Variants in FLNB observed in about 807,000 individuals in gnomAD.
FLNB encodes filamin-B.
In FLNB, 111 loss-of-function variants were observed where a neutral mutation model predicts 250.6. The observed-to-expected ratio is 0.44, with a 90% confidence interval of 0.38 to 0.52. The LOEUF is 0.52. Ranked by LOEUF, FLNB falls within the 20% of genes least tolerant of loss-of-function variation. The probability of loss-of-function intolerance (pLI) is 0.00; values close to 1 mark genes in which losing one functional copy is unlikely to be tolerated. For missense variants in FLNB, 2,869 were observed against 3,447.8 expected, an observed-to-expected ratio of 0.83 and a Z score of 4.20; for synonymous variants, 1,302 against 1,372.1, an observed-to-expected ratio of 0.95 and a Z score of 1.13.
At chr3:58,130,632 G>A (rs1201258264) in intron 24 of FLNB, 109 bp from the exon 25 acceptor site, 5 of 1,102,272 alleles carry the variant, frequency 4.5e-6, no homozygotes, top group Non-Finnish European at 6.7e-6. Flanking sequence ...GGAGCTGACC[G>A]AGGCCTGCAT....
chr3:58,109,537 TG>T (rs2097264991), intron 14 of FLNB, 38 bp from the exon 15 acceptor site: 2 of 1,614,058 alleles, frequency 1.2e-6, no homozygotes, highest in South Asian at 2.2e-5. Flanking sequence ...TGGGTCCAAG[TG>T]GAGGAGAACT....
Position 58,123,131 on chromosome 3 carries a change from G to T in FLNB, c.3165G>T (p.Val1055=). ...AHGPGLEGGL[V]GKPAEFTIDT... is the part of the protein sequence containing the mutation. ...GTCCCGGCCTCGAAGGTGGTCTCGT[G>T]GGCAAGCCTGCCGAGTTCACCATCG... Residue 1055 remains valine, a synonymous_variant, in exon 21 of 46, where the codon GTG becomes GTT. Coordinates refer to ENST00000295956, the MANE Select transcript of FLNB (RefSeq NM_001457.4). 1 of 1,614,174 alleles carries T rather than the reference G, an allele frequency of 6.2e-7. No homozygotes were observed. The highest frequency in any genetic ancestry group is 8.5e-7 in the Non-Finnish European group (1 of 1,180,024).
intron 18 of FLNB, among the ~76,000 whole-genome samples, chr3:58,118,169 G>A (rs555699249): frequency 2.0e-5 from 3 of 152,330 alleles, no homozygotes; most frequent in East Asian, 1.9e-4. Flanking sequence ...CCGGCCACCC[G>A]TGAGGGTGCC....
rs1187907959 is a variant in FLNB, at chr3:58,137,945, C to G, written c.4862-337C>G. On this transcript the variant is annotated intron_variant, in intron 28 of 45. Transcript: ENST00000295956. ...AACATCTTGAGAGCAGGGACTGTGTCTTGCCCACCTTTATGTGTACCTGGC... is the reference window on the plus strand; with the variant it reads ...AACATCTTGAGAGCAGGGACTGTGTGTTGCCCACCTTTATGTGTACCTGGC... Among the ~76,000 whole-genome samples the G allele has an allele frequency of 5.9e-5, 9 of 152,328 alleles. No individual in the cohort carries two copies. The South Asian group carries it at 1.7e-3, about 28-fold the overall frequency.
At chr3:58,148,509 C>T (rs767801696) in intron 35 of FLNB, 140 bp from the exon 36 acceptor site, 19 of 1,204,688 alleles carry the variant, frequency 1.6e-5, no homozygotes, top group East Asian at 2.5e-5. Flanking sequence ...AATGCCCAAG[C>T]GTATTTGTGC....
At position 58,098,849 on chromosome 3, in the gene FLNB, A is replaced by G. The variant is rs149133353; in HGVS notation, c.1286A>G (p.Lys429Arg). The change falls in exon 8 of 46, where the codon AAG becomes AGG. Residue 429 changes from lysine to arginine, a missense_variant. Physicochemically the swap from Lys to Arg is conservative, Grantham distance 26. Coordinates refer to ENST00000295956, the MANE Select transcript of FLNB (RefSeq NM_001457.4). ...ATGCAGCCTGGCCCTCACGTGGTCA[A>G]GATCTTCTTTGCTGGGGACACTATT... ...KPMQPGPHVV[K>R]IFFAGDTIPK... 29 of 1,614,146 alleles carry G rather than the reference A, an allele frequency of 1.8e-5. No homozygotes were observed. In the East Asian group the frequency reaches 6.5e-4, roughly 36 times the overall value.
chr3:58,136,070 A>G lies in FLNB; in HGVS notation c.4763A>G (p.Tyr1588Cys), dbSNP rs2097315308. 2 of 1,614,250 alleles carry G rather than the reference A, an allele frequency of 1.2e-6. No homozygotes were observed. Among genetic ancestry groups the G allele is most frequent in the South Asian group, 2.2e-5 (2 of 91,090 alleles). Reference sequence around the variant, plus strand: ...TACATCCCCGACAAGACTGGGCGCTATATGATTGGAGTCACCTACGGGGGT... The same window carrying G: ...TACATCCCCGACAAGACTGGGCGCTGTATGATTGGAGTCACCTACGGGGGT... ...VTYIPDKTGRYMIGVTYGGDD... is the reference protein window; with the variant it reads ...VTYIPDKTGRCMIGVTYGGDD... The change falls in exon 28 of 46, where the codon TAT becomes TGT. Residue 1588 changes from tyrosine to cysteine, a missense_variant. By Grantham distance (194) the Tyr-to-Cys change is radical (BLOSUM62 -2). Transcript: ENST00000295956.
intron 1 of FLNB, among the ~76,000 whole-genome samples, chr3:58,069,161 G>A (rs1373709250): frequency 4.0e-5 from 6 of 150,028 alleles, no homozygotes; most frequent in Non-Finnish European, 8.9e-5. Flanking sequence ...AAAAGGAGGG[G>A]CCAGACCCCT....
At chr3:58,117,701 G>A (rs149779836) in intron 18 of FLNB, among the ~76,000 whole-genome samples, 1 of 150,998 alleles carries the variant, frequency 6.6e-6, no homozygotes, top group Non-Finnish European at 1.5e-5. Context: ...ACCAGGAAAT[G>A]TTGTTCACAT....
intron 24 of FLNB, among the ~76,000 whole-genome samples, chr3:58,130,239 G>A (rs1205671627): frequency 1.3e-5 from 2 of 152,164 alleles, no homozygotes; most frequent in Admixed American, 1.3e-4. Flanking sequence ...CCACCACTTG[G>A]CTTCCTCCTT....
intron 25 of FLNB, chr3:58,132,543 GTCTCCTTAATTATAC>G (rs768107688): frequency 4.0e-4 from 214 of 538,476 alleles, no homozygotes; most frequent in Non-Finnish European, 6.1e-4. Context: ...AGCACAGGCA[GTCTCCTTAATTATAC>G]TCTAGGGCAG....
chr3:58,130,507 G>A (rs1039853008), intron 24 of FLNB, among the ~76,000 whole-genome samples: 3 of 152,172 alleles, frequency 2.0e-5, no homozygotes, highest in Admixed American at 1.3e-4. Context: ...TTCCTGGGGG[G>A]TGTTAACCGC....
At chr3:58,105,333 C>G in intron 11 of FLNB, 117 bp downstream of exon 11, 1 of 1,297,716 alleles carries the variant, frequency 7.7e-7, no homozygotes, top group Non-Finnish European at 1.1e-6. Context: ...GCTTCCTGGC[C>G]TCCTGGCCAC....
chr3:58,087,298 T>G (rs529739420), intron 4 of FLNB, among the ~76,000 whole-genome samples: 2 of 152,284 alleles, frequency 1.3e-5, no homozygotes, highest in East Asian at 3.9e-4. Context: ...ACATAGTGAT[T>G]GTGGATAAAA....
chr3:58,014,556 A>G (rs1576584691), intron 1 of FLNB, among the ~76,000 whole-genome samples: 1 of 152,120 alleles, frequency 6.6e-6, no homozygotes, highest in Non-Finnish European at 1.5e-5. Context: ...TTTGGAGCCA[A>G]ATTGTGTCTC....
At chr3:58,095,229 G>GTATGTATGTATTTATTTATTTATT (rs140031981) in intron 5 of FLNB, among the ~76,000 whole-genome samples, 5 of 147,814 alleles carry the variant, frequency 3.4e-5, no homozygotes, top group African/African-American at 1.3e-4. Flanking sequence ...GTTTATGTAT[G>GTATGTATGTATTTATTTATTTATT]TATTTATTTA....
At chr3:58,070,644 A>ATC (rs748194223) in intron 1 of FLNB, among the ~76,000 whole-genome samples, 22 of 143,942 alleles carry the variant, frequency 1.5e-4, no homozygotes, top group South Asian at 1.1e-3. Flanking sequence ...CACACACCCC[A>ATC]TCTCTCTCTC....
rs2097241716 is a variant in FLNB at position 58,097,803 on chromosome 3, T to G, written c.985-12T>G. 1 of 1,613,342 alleles carries G rather than the reference T, an allele frequency of 6.2e-7. No homozygotes were observed. The highest frequency in any genetic ancestry group is 1.3e-5 in the African/African-American group (1 of 74,938). On this transcript the variant is annotated splice_polypyrimidine_tract_variant and intron_variant, in intron 6 of 45. Transcript: ENST00000295956. Reference sequence around the variant, plus strand: ...AGTGATTATGTATTTCTCACCTATCTGTCACCTATAGGTCACAGTCCTCTT... The same window carrying G: ...AGTGATTATGTATTTCTCACCTATCGGTCACCTATAGGTCACAGTCCTCTT...
Position 58,153,623 on chromosome 3 carries a change from G to T in FLNB, c.6616G>T (p.Gly2206Ter), listed in dbSNP as rs886043158. 3.1e-6 allele frequency: 5 copies of T among 1,614,100 alleles called. No homozygotes were observed. The highest frequency in any genetic ancestry group is 4.2e-6 in the Non-Finnish European group (5 of 1,180,022). ...GGCAGGAGGCCCTGGCCTGGAGAGA[G>T]GAGAAGCGGGAGTCCCAGGTGAGCA... ...VRAGGPGLER[G>*]EAGVPAEFSI... The change falls in exon 39 of 46, where the codon GGA becomes TGA. Residue 2206 changes from glycine to a stop codon, truncating the protein, a stop_gained. Transcript: ENST00000295956. LOFTEE classifies it high-confidence loss of function.
Sources: allele counts gnomAD v4.1 joint callset (sites outside exome capture counted in the v4.1 genomes callset), GRCh38; gene constraint gnomAD v4.1.1; transcripts MANE v1.5; gene names NCBI Gene and HGNC (gene_info 2026-07-23, HGNC 2026-07-21).